LIN7C: variants seen among roughly 807,000 people sequenced by gnomAD.
The protein encoded by LIN7C is protein lin-7 homolog C.
A neutral mutation model predicts 24.7 loss-of-function variants in LIN7C; 17 were observed. The observed-to-expected ratio is 0.69, with a 90% confidence interval of 0.47 to 1.03. The LOEUF (loss-of-function observed/expected upper bound fraction) is 1.03. Ranked by LOEUF, LIN7C falls within the 50% of genes least tolerant of loss-of-function variation. The pLI is 0.00. For missense variants in LIN7C, 204 were observed against 239.0 expected (o/e 0.85, Z 0.97); for synonymous variants, 90 against 83.4 (o/e 1.08, Z -0.43).
chr11:27,498,384 T>C lies in LIN7C; in HGVS notation c.*265A>G. On this transcript the variant is annotated 3_prime_UTR_variant, in exon 5 of 5. Coordinates refer to ENST00000278193, the MANE Select transcript of LIN7C (RefSeq NM_018362.4). ...TTTTAAAAAATCTATAACAACTTTA[T>C]GACAAAATCTGCATTTGAAAAAGGC... is the stretch of plus-strand genomic sequence containing the variant. The C allele has an allele frequency of 3.1e-6, 1 of 318,032 alleles. No individual in the cohort carries two copies. Among genetic ancestry groups the C allele is most frequent in the Non-Finnish European group, 5.6e-6 (1 of 177,636 alleles). 19.7% of individuals were successfully genotyped at this position (318,032 alleles called of 1,614,324 possible).
rs1346798173 is a variant in LIN7C, at chr11:27,501,924, G to T, written c.38-4C>A. On this transcript the variant is annotated splice_polypyrimidine_tract_variant and splice_region_variant and intron_variant, in intron 1 of 4. Transcript: ENST00000278193. Reference sequence around the variant, plus strand: ...AATTCAATTGCTCTACAAATATCTAGAGTTAAACACACACACAGATAATTT... The same window carrying T: ...AATTCAATTGCTCTACAAATATCTATAGTTAAACACACACACAGATAATTT... The T allele has an allele frequency of 6.6e-7, 1 of 1,519,828 alleles. No homozygotes were observed. Among genetic ancestry groups the T allele is most frequent in the Non-Finnish European group, 9.1e-7 (1 of 1,095,184 alleles). The allele number at this position is 1,519,828 out of a possible 1,614,324, so 94.1% of individuals were successfully genotyped here.
At chr11:27,503,514 A>ATATT (rs1483093030) in intron 1 of LIN7C, among the ~76,000 whole-genome samples, 2 of 151,988 alleles carry the variant, frequency 1.3e-5, no homozygotes, top group Non-Finnish European at 1.5e-5. Context: ...GTAAAGAAAG[A>ATATT]TATTTATTTA....
chr11:27,498,976 CCT>C (rs1210079213), intron 4 of LIN7C, among the ~76,000 whole-genome samples, 172 bp from the exon 5 acceptor site: 1 of 152,082 alleles, frequency 6.6e-6, no homozygotes, highest in Non-Finnish European at 1.5e-5. Context: ...TATATGAAAT[CCT>C]CTCTTACATC....
intron 2 of LIN7C, 114 bp downstream of exon 2, chr11:27,501,688 G>A: frequency 1.1e-6 from 1 of 889,608 alleles, no homozygotes; most frequent in Non-Finnish European, 1.7e-6. Flanking sequence ...AAAATGAGAG[G>A]GACTGGTTTT....
Position 27,506,736 on chromosome 11 carries a change from T to C in LIN7C, c.17A>G (p.Glu6Gly), listed in dbSNP as rs757916274. Residue 6 changes from glutamate (E) to glycine (G), a missense_variant, in exon 1 of 5, where the codon GAA (glutamate) becomes GGA (glycine). Coordinates refer to ENST00000278193, the MANE Select transcript of LIN7C (RefSeq NM_018362.4). MAALG[E>G]PVRLERDICR... ...CTCACCTCTCTCCAGCCGCACGGGT[T>C]CCCCTAGCGCCGCCATCTTCTCCCT... is the stretch of plus-strand genomic sequence containing the variant. The C allele has an allele frequency of 1.3e-5, 21 of 1,613,842 alleles. 2 individuals are homozygous for C. The South Asian group carries it at 2.2e-4, about 17-fold the overall frequency.
At chr11:27,500,447 A>G (rs1865213655) in intron 3 of LIN7C, among the ~76,000 whole-genome samples, 1 of 152,230 alleles carries the variant, frequency 6.6e-6, no homozygotes, top group Non-Finnish European at 1.5e-5. Flanking sequence ...TTGTTGCTTT[A>G]GTTAACTAGA....
At chr11:27,501,134 G>T (rs1452465341) in intron 3 of LIN7C, among the ~76,000 whole-genome samples, 1 of 152,118 alleles carries the variant, frequency 6.6e-6, no homozygotes, top group East Asian at 1.9e-4. Flanking sequence ...TCAATAAGAT[G>T]AGGATAGTAA....
Position 27,498,597 on chromosome 11 carries a change from G to C in LIN7C, c.*52C>G, listed in dbSNP as rs1173593228. The C allele has an allele frequency of 4.5e-6, 7 of 1,554,508 alleles. No individual in the cohort carries two copies. In the Admixed American group the frequency reaches 1.3e-4, roughly 28 times the overall value. On this transcript the variant is annotated 3_prime_UTR_variant, in exon 5 of 5. Coordinates refer to ENST00000278193, the MANE Select transcript of LIN7C (RefSeq NM_018362.4). The stretch of plus-strand genomic sequence containing the variant: ...CATTGCAGCCATTAGTAAGTCACAA[G>C]GAAAACTTCTCTAGCTAAAACGCAA...
At position 27,499,358 on chromosome 11, in the gene LIN7C, C is replaced by T. The variant is rs1243705189; in HGVS notation, c.438+1G>A. On this transcript the variant is annotated splice_donor_variant, in intron 4 of 4. Transcript: ENST00000278193. LOFTEE classifies it high-confidence loss of function. ...CAAATAGAAATAAAATTCATCCTTA[C>T]CACTCCATTAACAGAGAGGAGTTGA... The T allele has an allele frequency of 6.2e-7, 1 of 1,612,542 alleles. No individual in the cohort carries two copies. The highest frequency in any genetic ancestry group is 1.3e-5 in the African/African-American group (1 of 74,976).
In LIN7C at chr11:27,494,682, C is replaced by T. The variant is rs1865145728; in HGVS notation, c.*3967G>A. On this transcript the variant is annotated 3_prime_UTR_variant, in exon 5 of 5. Coordinates refer to ENST00000278193, the MANE Select transcript of LIN7C (RefSeq NM_018362.4). ...TTTACATCCATTCTGGGTATTACCA[C>T]AAATTTTAAAAGTAGAAGCATAGCA... The T allele has an allele frequency of 6.6e-6, 1 of 152,142 alleles. No homozygotes were observed. The highest frequency in any genetic ancestry group is 1.5e-5 in the Non-Finnish European group (1 of 68,024). 9.4% of individuals were successfully genotyped at this position (152,142 alleles called of 1,614,324 possible). A position where few individuals can be genotyped will look rare whatever the true frequency, so the allele number is the denominator to read the frequency against.
rs939964072 is a variant in LIN7C, at chr11:27,496,464, C to T, written c.*2185G>A. 23 of 152,308 alleles carry T rather than the reference C, an allele frequency of 1.5e-4. No individual in the cohort carries two copies. The highest frequency in any genetic ancestry group is 5.5e-4 in the African/African-American group (23 of 41,568). The allele number at this position is 152,308 out of a possible 1,614,324, so 9.4% of individuals were successfully genotyped here. The stretch of plus-strand genomic sequence containing the variant: ...ACTGTACATCTTTGCCAATGAATGA[C>T]TGTATTTTTCTATGGTCAAGATTTA... On this transcript the variant is annotated 3_prime_UTR_variant, in exon 5 of 5. Transcript: ENST00000278193.
At position 27,494,575 on chromosome 11, in the gene LIN7C, A is replaced by G. The variant is rs1460398757; in HGVS notation, c.*4074T>C. ...TTTTTCAAATCCAAAGAACGAGGAC[A>G]TAACTCATACAAATTTATTTTAAAT... On this transcript the variant is annotated 3_prime_UTR_variant, in exon 5 of 5. Coordinates refer to ENST00000278193, the MANE Select transcript of LIN7C (RefSeq NM_018362.4). 1 of 152,248 alleles carries G rather than the reference A, an allele frequency of 6.6e-6. No individual in the cohort carries two copies. 9.4% of individuals were successfully genotyped at this position (152,248 alleles called of 1,614,324 possible). A position where few individuals can be genotyped will look rare whatever the true frequency, so the allele number is the denominator to read the frequency against.
At chr11:27,502,773 G>T (rs1174060998) in intron 1 of LIN7C, among the ~76,000 whole-genome samples, 2 of 152,098 alleles carry the variant, frequency 1.3e-5, no homozygotes, top group African/African-American at 4.8e-5. Context: ...CATAAAAAAG[G>T]GCTTAGCAAG....
rs1865188608 is a variant in LIN7C at position 27,498,160 on chromosome 11, A to G, written c.*489T>C. On this transcript the variant is annotated 3_prime_UTR_variant, in exon 5 of 5. Coordinates refer to ENST00000278193, the MANE Select transcript of LIN7C (RefSeq NM_018362.4). ...GCAATGATGTTAACATTGACAGTGT[A>G]ATGAACTGCCGTAGATGAGACTGTT... 1 of 153,480 alleles carries G rather than the reference A, an allele frequency of 6.5e-6. No homozygotes were observed. The highest frequency in any genetic ancestry group is 1.4e-5 in the Non-Finnish European group (1 of 69,078). 9.5% of individuals were successfully genotyped at this position (153,480 alleles called of 1,614,324 possible).
chr11:27,499,088 T>C (rs1156574958), intron 4 of LIN7C, among the ~76,000 whole-genome samples: 1 of 152,184 alleles, frequency 6.6e-6, no homozygotes, highest in Non-Finnish European at 1.5e-5. Flanking sequence ...AATTGGCATT[T>C]TATAAGAGTA....
chr11:27,499,542 A>C lies in LIN7C; in HGVS notation c.255T>G (p.Ser85Arg). Residue 85 changes from serine to arginine, a missense_variant, in exon 4 of 5, where the codon AGT (serine) becomes AGG (arginine). Ser to Arg is a moderately radical substitution (Grantham distance 110, BLOSUM62 -1). Around this residue, in one of 3 missense-constraint regions of LIN7C, gnomAD observed 126 missense variants for 117.8 expected, o/e 1.07. Coordinates refer to ENST00000278193, the MANE Select transcript of LIN7C (RefSeq NM_018362.4). ...CAACTCGAGGATGAGAATGTCCTTC[A>C]CTGGCAGCAAATGCAGCAACAGTAG... ...AKATVAAFAA[S>R]EGHSHPRVVE... The C allele has an allele frequency of 3.7e-6, 6 of 1,614,130 alleles. No homozygotes were observed. Among genetic ancestry groups the C allele is most frequent in the Non-Finnish European group, 5.1e-6 (6 of 1,180,018 alleles).
rs1357053913 is a variant in LIN7C, at chr11:27,496,365, T to A, written c.*2284A>T. 2 of 152,226 alleles carry A rather than the reference T, an allele frequency of 1.3e-5. No individual in the cohort carries two copies. Among genetic ancestry groups the A allele is most frequent in the African/African-American group, 4.8e-5 (2 of 41,466 alleles). The allele number at this position is 152,226 out of a possible 1,614,324, so 9.4% of individuals were successfully genotyped here. ...AAACATCTATCATACACTTACTATG[T>A]ACCTAGTTTTATTCACGAATCATCC... is the stretch of plus-strand genomic sequence containing the variant. On this transcript the variant is annotated 3_prime_UTR_variant, in exon 5 of 5. Coordinates refer to ENST00000278193, the MANE Select transcript of LIN7C (RefSeq NM_018362.4).
chr11:27,504,834 G>C (rs1175098192), intron 1 of LIN7C, among the ~76,000 whole-genome samples: 2 of 152,172 alleles, frequency 1.3e-5, no homozygotes, highest in African/African-American at 4.8e-5. Flanking sequence ...GTTCTATACA[G>C]ACACGATTTT....
rs117196481 is a variant in LIN7C at position 27,498,171 on chromosome 11, G to A, written c.*478C>T. The A allele has an allele frequency of 6.0e-3, 925 of 153,802 alleles. 6 individuals carry two copies. Among genetic ancestry groups the A allele is most frequent in the Middle Eastern group, 0.023 (7 of 302 alleles). 9.5% of individuals were successfully genotyped at this position (153,802 alleles called of 1,614,324 possible). A position where few individuals can be genotyped will look rare whatever the true frequency, so the allele number is the denominator to read the frequency against. On this transcript the variant is annotated 3_prime_UTR_variant, in exon 5 of 5. Coordinates refer to ENST00000278193, the MANE Select transcript of LIN7C (RefSeq NM_018362.4). ...AACATTGACAGTGTAATGAACTGCC[G>A]TAGATGAGACTGTTATGCTTAATTT...
Sources: gnomAD v4.1 joint callset for allele counts (sites outside exome capture counted in the v4.1 genomes callset) on GRCh38, gnomAD v4.1.1 for gene constraint, gnomAD v4.1.1 regional missense constraint, MANE v1.5 for transcripts, NCBI Gene and HGNC (gene_info 2026-07-23, HGNC 2026-07-21) for gene names.